PCDHGA11: variants seen among roughly 807,000 people sequenced by gnomAD.
The protein encoded by PCDHGA11 is protocadherin gamma subfamily A, 11, also known as protocadherin gamma-A11.
PCDHGA11 carries 39 observed loss-of-function variants against 60.4 expected under a neutral mutation model. The observed-to-expected ratio is 0.65, with a 90% CI of 0.50 to 0.84. The LOEUF (loss-of-function observed/expected upper bound fraction) is 0.84. Among genes scored for constraint, PCDHGA11 ranks in the 40% least tolerant of loss-of-function variants. PCDHGA11 has a pLI of 0.00. For synonymous variants in PCDHGA11, 533 were observed against 510.3 expected, an observed-to-expected ratio of 1.04 and a Z score of -0.60; for missense variants, 1,165 against 1,197.7, an observed-to-expected ratio of 0.97 and a Z score of 0.40.
intron 1 of PCDHGA11, chr5:141,471,417 T>A (rs1174855045): frequency 6.6e-6 from 1 of 152,190 alleles, no homozygotes; most frequent in Non-Finnish European, 1.5e-5. Flanking sequence ...GTTATGTTTT[T>A]AGCAAGGAAA....
At chr5:141,464,279 C>CAA (rs373828487) in intron 1 of PCDHGA11, among the ~76,000 whole-genome samples, 8,568 of 137,664 alleles carry the variant, frequency 0.062, 499 homozygotes, top group African/African-American at 0.16. Context: ...AAAAAAAAAG[C>CAA]AAAAAAAAAA....
rs2096708889 is a variant in PCDHGA11 at position 141,423,095 on chromosome 5, A to G, written c.1868A>G (p.His623Arg). The change falls in exon 1 of 4, where the codon CAC (histidine) becomes CGC (arginine). Residue 623 changes from histidine to arginine, a missense_variant. Transcript: ENST00000398587. ...SEPGLFAVGE[H>R]TGEVRTARAL... ...CCGGGACTCTTCGCGGTGGGGGAGC[A>G]CACGGGCGAGGTGCGTACAGCGCGG... The G allele has an allele frequency of 1.9e-6, 3 of 1,613,978 alleles. No individual in the cohort carries two copies. Among genetic ancestry groups the G allele is most frequent in the Non-Finnish European group, 2.5e-6 (3 of 1,180,006 alleles).
intron 1 of PCDHGA11, among the ~76,000 whole-genome samples, chr5:141,424,964 A>G (rs62378457): frequency 0.11 from 16,148 of 152,126 alleles, 960 homozygotes; most frequent in African/African-American, 0.17. Flanking sequence ...ATTTGCCCCA[A>G]ATTACTTGGA....
Position 141,476,264 on chromosome 5 carries a change from G to C in PCDHGA11, c.2434-18543G>C, listed in dbSNP as rs753184649. The C allele has an allele frequency of 6.2e-7, 1 of 1,614,082 alleles. No individual in the cohort carries two copies. Among genetic ancestry groups the C allele is most frequent in the Non-Finnish European group, 8.5e-7 (1 of 1,180,010 alleles). On this transcript the variant is annotated intron_variant, in intron 1 of 3. Transcript: ENST00000398587. This position sits in a 1 kb window ranked among gnomAD's most constrained non-coding sequence, Gnocchi z 7.6. ...AGAGAAGGGTTTCGCTGTGGGCAAC[G>C]TGGTCGCGAACCTTGGTTTGGATCT...
intron 1 of PCDHGA11, chr5:141,430,849 G>A: frequency 6.3e-7 from 1 of 1,582,030 alleles, no homozygotes; most frequent in Non-Finnish European, 8.6e-7. Flanking sequence ...GATGCACCCA[G>A]ATACGCTATT....
chr5:141,480,336 G>A (rs755963190), intron 1 of PCDHGA11, among the ~76,000 whole-genome samples: 1 of 151,988 alleles, frequency 6.6e-6, no homozygotes, highest in Non-Finnish European at 1.5e-5. Flanking sequence ...AATTGCTTGA[G>A]CCTGGGAGGT....
rs1246198657 is a variant in PCDHGA11 at position 141,505,401 on chromosome 5, A to T, written c.2501A>T (p.Asn834Ile). The change falls in exon 3 of 4, where the codon AAT (asparagine) becomes ATT (isoleucine). Residue 834 changes from asparagine (N) to isoleucine (I), a missense_variant. By Grantham distance (149) the Asn-to-Ile change is moderately radical (BLOSUM62 -3). Transcript: ENST00000398587. Reference protein sequence around the residue: ...AQRPGTSGSQNGDDTGTWPNN... With the variant: ...AQRPGTSGSQIGDDTGTWPNN... ...TCCTACTCTCTCCCCAGCTCCCAAA[A>T]TGGCGATGACACCGGCACCTGGCCC... is the stretch of plus-strand genomic sequence containing the variant. The T allele has an allele frequency of 6.2e-7, 1 of 1,614,058 alleles. No individual in the cohort carries two copies. Among genetic ancestry groups the T allele is most frequent in the African/African-American group, 1.3e-5 (1 of 74,922 alleles).
intron 1 of PCDHGA11, among the ~76,000 whole-genome samples, chr5:141,448,617 T>C (rs1318664360): frequency 2.0e-5 from 3 of 152,150 alleles, no homozygotes; most frequent in Non-Finnish European, 2.9e-5. Flanking sequence ...ACTTTATATC[T>C]TCCTTTCTTC....
At chr5:141,438,249 A>G (rs1166079222) in intron 1 of PCDHGA11, among the ~76,000 whole-genome samples, 2 of 152,168 alleles carry the variant, frequency 1.3e-5, no homozygotes, top group Non-Finnish European at 2.9e-5. Context: ...AAAAACTGTC[A>G]TTGAAGAGAC....
intron 1 of PCDHGA11, among the ~76,000 whole-genome samples, chr5:141,482,793 C>T (rs900216099): frequency 3.9e-5 from 5 of 128,974 alleles, no homozygotes; most frequent in Non-Finnish European, 8.1e-5. Flanking sequence ...TGTGTGTGGC[C>T]GGGTACGGTG....
chr5:141,509,872 G>T (rs968745661), intron 3 of PCDHGA11, among the ~76,000 whole-genome samples: 16 of 152,166 alleles, frequency 1.1e-4, no homozygotes, highest in Non-Finnish European at 1.5e-5. Context: ...CCAAGCTGCT[G>T]GTGGTGATGG....
At chr5:141,449,631 G>C in intron 1 of PCDHGA11, among the ~76,000 whole-genome samples, 1 of 148,476 alleles carries the variant, frequency 6.7e-6, no homozygotes, top group Middle Eastern at 3.6e-3. Flanking sequence ...TTAAAAAGAT[G>C]TATCTATATA....
rs757663132 is a variant in PCDHGA11 at position 141,510,991 on chromosome 5, A to G, written c.2626A>G (p.Met876Val). ...CACCCTGGGAGGGGGTGCCGGCACC[A>G]TGGGATTGAGCGCCCGCTACGGACC... is the stretch of plus-strand genomic sequence containing the variant. ...SSTLGGGAGT[M>V]GLSARYGPQF... is the part of the protein sequence containing the mutation. Residue 876 changes from methionine (M) to valine (V), a missense_variant, in exon 4 of 4, where the codon ATG becomes GTG. Coordinates refer to ENST00000398587, the MANE Select transcript of PCDHGA11 (RefSeq NM_018914.3). 1.2e-6 allele frequency: 2 copies of G among 1,614,136 alleles called. No individual in the cohort carries two copies. Among genetic ancestry groups the G allele is most frequent in the Admixed American group, 3.3e-5 (2 of 60,022 alleles).
chr5:141,472,980 C>CAAAAAAAAAAAAAAAAAGAAAAAAAAA (rs2099309731), intron 1 of PCDHGA11, among the ~76,000 whole-genome samples: 1 of 86,106 alleles, frequency 1.2e-5, no homozygotes, highest in Non-Finnish European at 2.5e-5. Flanking sequence ...GAGTGAAACT[C>CAAAAAAAAAAAAAAAAAGAAAAAAAAA]AAAAAAAAAA....
chr5:141,508,241 T>G (rs1475142426), intron 3 of PCDHGA11: 2 of 152,286 alleles, frequency 1.3e-5, no homozygotes, highest in East Asian at 3.9e-4. Context: ...CTCCTAAGTC[T>G]GCCTCTCCTG....
intron 3 of PCDHGA11, 48 bp downstream of exon 3, chr5:141,505,529 T>C (rs1479433990): frequency 1.9e-6 from 3 of 1,612,066 alleles, no homozygotes; most frequent in Non-Finnish European, 2.5e-6. Context: ...CCTGGGGTTC[T>C]GGGGTGCATC....
Position 141,486,107 on chromosome 5 carries a change from A to T in PCDHGA11, c.2434-8700A>T, listed in dbSNP as rs758269750. ...TCTTTTGGGGCCCCTAGACTTTGAG[A>T]GTGAGAATTACTATGAATTTGATGT... is the stretch of plus-strand genomic sequence containing the variant. On this transcript the variant is annotated intron_variant, in intron 1 of 3. Transcript: ENST00000398587. The surrounding 1 kb of genome is among the most constrained non-coding windows in gnomAD (Gnocchi z 5.0). The T allele has an allele frequency of 6.2e-7, 1 of 1,614,102 alleles. No individual in the cohort carries two copies. Among genetic ancestry groups the T allele is most frequent in the South Asian group, 1.1e-5 (1 of 91,080 alleles).
At chr5:141,479,685 G>C (rs749895405) in intron 1 of PCDHGA11, 2 of 152,130 alleles carry the variant, frequency 1.3e-5, no homozygotes, top group Non-Finnish European at 2.9e-5. Context: ...AGTCTTTTTG[G>C]TGCCTCCAGT....
chr5:141,447,329 G>A (rs1328071539), intron 1 of PCDHGA11, among the ~76,000 whole-genome samples: 6 of 151,732 alleles, frequency 4.0e-5, no homozygotes, highest in Admixed American at 1.3e-4. Context: ...TAGTAGAGAC[G>A]GGTTTCATCA....
Sources: allele counts gnomAD v4.1 joint callset (sites outside exome capture counted in the v4.1 genomes callset), GRCh38; gene constraint gnomAD v4.1.1; non-coding constraint Gnocchi (gnomAD v3.1); transcripts MANE v1.5; gene names NCBI Gene and HGNC (gene_info 2026-07-23, HGNC 2026-07-21).